Variants in AGMO observed in about 807,000 individuals in gnomAD.
AGMO encodes glyceryl-ether monooxygenase.
Under a neutral mutation model 60.2 loss-of-function variants are expected in AGMO, and 75 were observed. The ratio of observed to expected loss-of-function variants is 1.25; its 90% CI spans 1.03 to 1.51. The LOEUF (loss-of-function observed/expected upper bound fraction) is 1.51. AGMO is among the 40% of genes most tolerant of loss of function. AGMO has a pLI of 0.00. For synonymous variants in AGMO, 261 were observed against 177.1 expected, an observed-to-expected ratio of 1.47 and a Z score of -3.76; for missense variants, 763 against 525.5, an observed-to-expected ratio of 1.45 and a Z score of -4.42.
At chr7:15,209,565 G>A (rs114628261) in intron 12 of AGMO, among the ~76,000 whole-genome samples, 1 of 152,124 alleles carries the variant, frequency 6.6e-6, no homozygotes, top group African/African-American at 2.4e-5. Context: ...CCCAGCATAC[G>A]CTAATAGAAG....
intron 5 of AGMO, among the ~76,000 whole-genome samples, chr7:15,414,383 ACT>A (rs1322373114): frequency 1.3e-5 from 2 of 152,126 alleles, no homozygotes; most frequent in Non-Finnish European, 2.9e-5. Flanking sequence ...GAATTATATT[ACT>A]ATAAAAGTCT....
chr7:15,310,921 G>T (rs1780751992), intron 12 of AGMO, among the ~76,000 whole-genome samples: 1 of 152,030 alleles, frequency 6.6e-6, no homozygotes, highest in Non-Finnish European at 1.5e-5. Context: ...ATCTTCGCAG[G>T]AGTAATAGTG....
chr7:15,390,557 A>C (rs1177206652), intron 8 of AGMO, 114 bp downstream of exon 8: 4 of 707,516 alleles, frequency 5.7e-6, no homozygotes, highest in Non-Finnish European at 8.8e-6. Flanking sequence ...AACAGTTAAA[A>C]ATTTTTTCAG....
At chr7:15,551,808 GA>G (rs909532277) in intron 2 of AGMO, among the ~76,000 whole-genome samples, 42 of 151,722 alleles carry the variant, frequency 2.8e-4, no homozygotes, top group Non-Finnish European at 4.6e-4. Context: ...CACAGAATTG[GA>G]AAAAAACTAC....
At chr7:15,380,346 G>A (rs144672986) in intron 10 of AGMO, among the ~76,000 whole-genome samples, 129 of 152,100 alleles carry the variant, frequency 8.5e-4, no homozygotes, top group African/African-American at 2.9e-3. Context: ...AAAAATCACT[G>A]GCATTTCTAT....
chr7:15,356,839 G>T (rs956057854), intron 12 of AGMO, among the ~76,000 whole-genome samples: 1 of 151,694 alleles, frequency 6.6e-6, no homozygotes, highest in South Asian at 2.1e-4. Context: ...CGGTTGCAGT[G>T]GCTCAAGCCT....
intron 10 of AGMO, 75 bp from the exon 11 acceptor site, chr7:15,366,297 A>C: frequency 9.4e-7 from 1 of 1,065,132 alleles, no homozygotes. Context: ...TAAAGCTTAC[A>C]AAACAGCCCA....
chr7:15,338,667 G>C (rs1213228031), intron 12 of AGMO, among the ~76,000 whole-genome samples: 1 of 152,082 alleles, frequency 6.6e-6, no homozygotes, highest in African/African-American at 2.4e-5. Flanking sequence ...TGCAAAGGGA[G>C]GAAGGGCTGA....
chr7:15,260,039 G>A lies in AGMO; in HGVS notation c.1264-58680C>T, dbSNP rs538769336. Among the ~76,000 whole-genome samples the A allele has an allele frequency of 3.8e-4, 55 of 144,320 alleles. 1 individual carries two copies. The highest frequency in any genetic ancestry group is 1.3e-4 in the African/African-American group (5 of 38,756). The allele number at this position is 144,320 out of a possible 152,430, so 94.7% of individuals were successfully genotyped here. On this transcript the variant is annotated intron_variant, in intron 12 of 12. Transcript: ENST00000342526. ...TAACACAATGAAAAAAAAACCCAAA[G>A]TATTTAGGCAACAAATAGCATGATG...
chr7:15,269,028 C>T (rs1185809242), intron 12 of AGMO, among the ~76,000 whole-genome samples: 1 of 152,006 alleles, frequency 6.6e-6, no homozygotes, highest in African/African-American at 2.4e-5. Flanking sequence ...CAAATTTCTT[C>T]TATAAAGGAA....
chr7:15,521,590 C>CA (rs1218801084), intron 3 of AGMO, among the ~76,000 whole-genome samples: 1 of 152,040 alleles, frequency 6.6e-6, no homozygotes, highest in Non-Finnish European at 1.5e-5. Context: ...GAACCAATGA[C>CA]AAAAAACACA....
intron 3 of AGMO, among the ~76,000 whole-genome samples, chr7:15,481,627 G>C (rs1261508336): frequency 6.6e-6 from 1 of 151,878 alleles, no homozygotes; most frequent in African/African-American, 2.4e-5. Flanking sequence ...TTCAGATAGG[G>C]AGACTTAACA....
intron 12 of AGMO, among the ~76,000 whole-genome samples, chr7:15,227,436 GACA>G (rs559682494): frequency 4.7e-4 from 71 of 149,482 alleles, no homozygotes; most frequent in Admixed American, 2.5e-3. Flanking sequence ...TATCAACAAT[GACA>G]ACAACAACAA....
intron 12 of AGMO, among the ~76,000 whole-genome samples, chr7:15,246,454 T>C (rs145166736): frequency 4.1e-4 from 62 of 152,326 alleles, no homozygotes; most frequent in African/African-American, 1.4e-3. Flanking sequence ...TTGGAGTTCA[T>C]AGACAATGAC....
intron 12 of AGMO, among the ~76,000 whole-genome samples, chr7:15,344,868 G>A (rs1005719819): frequency 3.9e-5 from 6 of 152,080 alleles, no homozygotes; most frequent in South Asian, 2.1e-4. Context: ...ATCTGAATGC[G>A]TTACCTTACT....
chr7:15,442,446 TTATG>T (rs1394961132), intron 3 of AGMO, among the ~76,000 whole-genome samples: 5 of 152,182 alleles, frequency 3.3e-5, no homozygotes, highest in Non-Finnish European at 7.3e-5. Context: ...ATGGAAGGTT[TTATG>T]TAGGAACATT....
At chr7:15,196,725 T>A (rs976201479), downstream of AGMO, among the ~76,000 whole-genome samples, 1 of 152,198 alleles carries the variant, frequency 6.6e-6, no homozygotes, top group African/African-American at 2.4e-5. Context: ...GTCTTCCTGG[T>A]TTCTGTAATG....
In AGMO at chr7:15,352,462, T is replaced by C. The variant is rs539356170; in HGVS notation, c.1263+13052A>G. On this transcript the variant is annotated intron_variant, in intron 12 of 12. Transcript: ENST00000342526. ...CCAGAAGTATGTTTTTTTTTTTTTT[T>C]CCTTAGATCAGGGTGCAAAGGAAGA... 1.5e-4 allele frequency among the ~76,000 whole-genome samples: 23 copies of C among 151,632 alleles called. No homozygotes were observed. In the East Asian group the frequency reaches 2.0e-3, roughly 13 times the overall value.
the AGMO span, among the ~76,000 whole-genome samples, chr7:15,188,100 C>A: frequency 6.6e-6 from 1 of 152,152 alleles, no homozygotes; most frequent in South Asian, 2.1e-4. Flanking sequence ...GAGACACTGG[C>A]CACTTGGGTA....
Sources: allele counts gnomAD v4.1 joint callset (sites outside exome capture counted in the v4.1 genomes callset), GRCh38; gene constraint gnomAD v4.1.1; transcripts MANE v1.5; gene names NCBI Gene and HGNC (gene_info 2026-07-23, HGNC 2026-07-21).